TMEM131: variants seen among roughly 807,000 people sequenced by gnomAD.
TMEM131 encodes the protein transmembrane protein 131.
Under a neutral mutation model 211.6 loss-of-function variants are expected in TMEM131, and 66 were observed. The ratio of observed to expected loss-of-function variants is 0.31; its 90% CI spans 0.26 to 0.38. The LOEUF (loss-of-function observed/expected upper bound fraction) is 0.38. Ranked by LOEUF, TMEM131 falls within the 10% of genes least tolerant of loss-of-function variation. TMEM131 has a pLI of 1.00. For synonymous variants in TMEM131, 844 were observed against 841.3 expected (o/e 1.00, Z -0.06); for missense variants, 2,036 against 2,299.3 (o/e 0.89, Z 2.34).
intron 1 of TMEM131, among the ~76,000 whole-genome samples, chr2:97,969,118 A>T (rs952961526): frequency 6.6e-6 from 1 of 152,006 alleles, no homozygotes; most frequent in Non-Finnish European, 1.5e-5. Context: ...ATATGACAAC[A>T]TTTATGTTAG....
At chr2:97,760,097 A>C in intron 38 of TMEM131, 1 of 270,658 alleles carries the variant, frequency 3.7e-6, no homozygotes, top group Non-Finnish European at 7.1e-6. Context: ...CAAAGTAGGT[A>C]AATTGGGGCT....
chr2:97,908,911 A>G (rs957845021), intron 2 of TMEM131, among the ~76,000 whole-genome samples: 7 of 152,302 alleles, frequency 4.6e-5, no homozygotes, highest in African/African-American at 1.7e-4. Flanking sequence ...TGGATTTTTA[A>G]AAGTGTGCCA....
intron 11 of TMEM131, among the ~76,000 whole-genome samples, chr2:97,820,614 G>T (rs936274502): frequency 1.3e-5 from 2 of 152,078 alleles, no homozygotes; most frequent in African/African-American, 4.8e-5. Context: ...GTCCTAGCAC[G>T]TTGGGAGGCC....
chr2:97,959,232 G>A (rs1259614318), intron 1 of TMEM131, among the ~76,000 whole-genome samples: 1 of 152,130 alleles, frequency 6.6e-6, no homozygotes, highest in Non-Finnish European at 1.5e-5. Context: ...CACAAACTGA[G>A]GTTACAAGAA....
chr2:97,964,557 AAC>A (rs1678961045), intron 1 of TMEM131, among the ~76,000 whole-genome samples: 1 of 152,220 alleles, frequency 6.6e-6, no homozygotes, highest in Admixed American at 6.5e-5. Context: ...AAGCTTGTTA[AAC>A]ACACATTTGA....
At chr2:97,980,616 A>G (rs758381360) in intron 1 of TMEM131, among the ~76,000 whole-genome samples, 1 of 152,216 alleles carries the variant, frequency 6.6e-6, no homozygotes, top group East Asian at 1.9e-4. Flanking sequence ...AGACTTACAC[A>G]TGAATGTTCA....
At chr2:97,983,036 C>T (rs56397913) in intron 1 of TMEM131, among the ~76,000 whole-genome samples, 8,462 of 152,226 alleles carry the variant, frequency 0.056, 511 homozygotes, top group Non-Finnish European at 0.071. Flanking sequence ...GTTACCTCCT[C>T]CTCCATGCTC....
intron 2 of TMEM131, among the ~76,000 whole-genome samples, chr2:97,925,255 TTTG>T (rs1400286312): frequency 1.3e-5 from 2 of 152,180 alleles, no homozygotes; most frequent in African/African-American, 4.8e-5. Context: ...GAAAGAATCT[TTTG>T]TTATTCCATT....
At chr2:97,971,930 G>A (rs1363515782) in intron 1 of TMEM131, among the ~76,000 whole-genome samples, 6 of 152,036 alleles carry the variant, frequency 3.9e-5, no homozygotes, top group Non-Finnish European at 8.8e-5. Flanking sequence ...AGAAAGGAGC[G>A]GGCACAGTGG....
At chr2:97,906,152 G>A (rs1209220800) in intron 3 of TMEM131, among the ~76,000 whole-genome samples, 2 of 152,120 alleles carry the variant, frequency 1.3e-5, no homozygotes, top group Admixed American at 6.6e-5. Flanking sequence ...AAAACAGTCT[G>A]CCAGGCCCAA....
chr2:97,921,668 T>C (rs191754781), intron 2 of TMEM131, among the ~76,000 whole-genome samples: 1 of 152,290 alleles, frequency 6.6e-6, no homozygotes. Context: ...CCAGGAAAGA[T>C]CTTGTATTCA....
intron 1 of TMEM131, among the ~76,000 whole-genome samples, chr2:97,937,379 A>G (rs1677494432): frequency 6.6e-6 from 1 of 152,128 alleles, no homozygotes; most frequent in Non-Finnish European, 1.5e-5. Flanking sequence ...TCTGGGAAAC[A>G]GAAATAAAAA....
At chr2:97,842,664 A>G (rs1683252395) in intron 6 of TMEM131, among the ~76,000 whole-genome samples, 1 of 152,032 alleles carries the variant, frequency 6.6e-6, no homozygotes, top group South Asian at 2.1e-4. Flanking sequence ...CAGACTGGAG[A>G]TATATTTGGT....
At position 97,792,826 on chromosome 2, in the gene TMEM131, A is replaced by G. The variant is rs1386482018; in HGVS notation, c.3704T>C (p.Val1235Ala). 2.5e-6 allele frequency: 4 copies of G among 1,613,894 alleles called. No homozygotes were observed. Among genetic ancestry groups the G allele is most frequent in the Non-Finnish European group, 3.4e-6 (4 of 1,179,864 alleles). Reference protein sequence around the residue: ...SNRNSADVENVRAKNSSSTSS... With the variant: ...SNRNSADVENARAKNSSSTSS... ...GGTACTTGAACTGTTTTTGGCTCTG[A>G]CGTTTTCCACGTCAGCTGAGTTTCT... is the stretch of plus-strand genomic sequence containing the variant. Residue 1235 changes from valine to alanine, a missense_variant, in exon 31 of 41, where the codon GTC (valine) becomes GCC (alanine). Val to Ala is a moderately conservative substitution (Grantham distance 64). Coordinates refer to ENST00000186436, the MANE Select transcript of TMEM131 (RefSeq NM_015348.2).
intron 1 of TMEM131, among the ~76,000 whole-genome samples, chr2:97,938,052 G>A (rs988782777): frequency 3.9e-5 from 6 of 152,108 alleles, no homozygotes; most frequent in Non-Finnish European, 8.8e-5. Flanking sequence ...AGGAACAACC[G>A]GTACCAGCCA....
intron 1 of TMEM131, among the ~76,000 whole-genome samples, chr2:97,953,478 C>T (rs1678418341): frequency 6.6e-6 from 1 of 152,104 alleles, no homozygotes; most frequent in African/African-American, 2.4e-5. Context: ...ATCAATCCAT[C>T]AATAAAAAAA....
intron 1 of TMEM131, among the ~76,000 whole-genome samples, chr2:97,962,782 C>T (rs991955036): frequency 6.6e-6 from 1 of 152,132 alleles, no homozygotes; most frequent in African/African-American, 2.4e-5. Flanking sequence ...TGAAACAACC[C>T]AGAAATCTAT....
intron 1 of TMEM131, among the ~76,000 whole-genome samples, chr2:97,960,415 T>C (rs1356148106): frequency 6.6e-6 from 1 of 152,194 alleles, no homozygotes; most frequent in East Asian, 1.9e-4. Flanking sequence ...ATTACTTTTT[T>C]TTTTGATGTT....
intron 1 of TMEM131, among the ~76,000 whole-genome samples, chr2:97,963,268 G>A (rs1678901267): frequency 6.6e-6 from 1 of 152,082 alleles, no homozygotes; most frequent in Admixed American, 6.5e-5. Context: ...TATTACCCTG[G>A]GCTCTTAATA....
Sources: allele counts gnomAD v4.1 joint callset (sites outside exome capture counted in the v4.1 genomes callset), GRCh38; gene constraint gnomAD v4.1.1; transcripts MANE v1.5; gene names NCBI Gene and HGNC (gene_info 2026-07-23, HGNC 2026-07-21).